HECW1: variants seen among roughly 807,000 people sequenced by gnomAD.
HECW1 encodes the protein E3 ubiquitin-protein ligase HECW1.
Under a neutral mutation model 182.3 loss-of-function variants are expected in HECW1, and 61 were observed. That is an observed-to-expected ratio of 0.33 (90% confidence interval 0.27 to 0.41). The LOEUF is 0.41. Ranked by LOEUF, HECW1 falls within the 10% of genes least tolerant of loss-of-function variation. The probability of loss-of-function intolerance (pLI) is 1.00; values close to 1 mark genes in which losing one functional copy is unlikely to be tolerated. For synonymous variants in HECW1, 859 were observed against 832.6 expected (o/e 1.03, Z -0.55); for missense variants, 1,739 against 2,108.9 (o/e 0.82, Z 3.44).
At chr7:43,531,918 G>T (rs907027807) in intron 24 of HECW1, among the ~76,000 whole-genome samples, 5 of 152,088 alleles carry the variant, frequency 3.3e-5, no homozygotes, top group Non-Finnish European at 7.4e-5. Context: ...CCATGATCTT[G>T]TCCAGATGCC....
intron 3 of HECW1, among the ~76,000 whole-genome samples, chr7:43,276,416 C>A (rs931244679): frequency 6.6e-6 from 1 of 150,958 alleles, no homozygotes; most frequent in African/African-American, 2.5e-5. Context: ...CTCACACAGT[C>A]GTTTGTAGAA....
In HECW1 at chr7:43,550,014, G is replaced by T. The variant is rs571353045; in HGVS notation, c.4249-431G>T. ...TGCTTAGCAATCTGCTTAGAGGTCGGGTGCAGTGGCTCCCAATACTTTGGA... is the reference window on the plus strand; with the variant it reads ...TGCTTAGCAATCTGCTTAGAGGTCGTGTGCAGTGGCTCCCAATACTTTGGA... On this transcript the variant is annotated intron_variant, in intron 26 of 29. Transcript: ENST00000395891. Among the ~76,000 whole-genome samples, 6 of 152,012 alleles carry T rather than the reference G, an allele frequency of 3.9e-5. No individual in the cohort carries two copies. In the South Asian group the frequency reaches 8.3e-4, roughly 21 times the overall value.
intron 3 of HECW1, among the ~76,000 whole-genome samples, chr7:43,308,117 A>G (rs1807907367): frequency 9.4e-6 from 1 of 106,040 alleles, no homozygotes; most frequent in South Asian, 2.6e-4. Context: ...AATATAACAT[A>G]TAATATATTT....
At chr7:43,469,737 T>A (rs1356155087) in intron 16 of HECW1, among the ~76,000 whole-genome samples, 1 of 152,220 alleles carries the variant, frequency 6.6e-6, no homozygotes, top group Non-Finnish European at 1.5e-5. Context: ...ATCAGCCATC[T>A]CGATGTATTC....
chr7:43,549,096 G>A (rs937714054), intron 26 of HECW1, among the ~76,000 whole-genome samples: 7 of 152,176 alleles, frequency 4.6e-5, no homozygotes, highest in African/African-American at 1.7e-4. Flanking sequence ...CAGTGCAGCC[G>A]GACAAAGGAA....
chr7:43,168,175 C>A (rs1317840631), intron 2 of HECW1, among the ~76,000 whole-genome samples: 4 of 152,198 alleles, frequency 2.6e-5, no homozygotes, highest in Non-Finnish European at 5.9e-5. Context: ...CAATATCTTG[C>A]ACCTGCATTG....
chr7:43,361,743 G>A (rs1815934393), intron 6 of HECW1, among the ~76,000 whole-genome samples: 1 of 149,112 alleles, frequency 6.7e-6, no homozygotes, highest in Non-Finnish European at 1.5e-5. Flanking sequence ...AATTTTAAAT[G>A]ACCAACTGGG....
At chr7:43,152,416 G>A (rs933756582) in intron 2 of HECW1, among the ~76,000 whole-genome samples, 2 of 152,124 alleles carry the variant, frequency 1.3e-5, no homozygotes, top group African/African-American at 4.8e-5. Flanking sequence ...TAATAAAATC[G>A]TAACAATCCA....
chr7:43,196,974 G>A (rs1475574897), intron 2 of HECW1, among the ~76,000 whole-genome samples: 2 of 151,882 alleles, frequency 1.3e-5, no homozygotes, highest in Admixed American at 6.6e-5. Flanking sequence ...TAAAAGCACC[G>A]ATTGTTGTAG....
intron 3 of HECW1, chr7:43,258,490 G>C (rs780656467): frequency 6.6e-6 from 1 of 152,148 alleles, no homozygotes; most frequent in South Asian, 2.1e-4. Context: ...ACTGAGAGGC[G>C]TATGGATACC....
intron 2 of HECW1, among the ~76,000 whole-genome samples, chr7:43,172,969 G>C (rs1183136150): frequency 1.3e-5 from 2 of 152,192 alleles, no homozygotes; most frequent in Non-Finnish European, 2.9e-5. Flanking sequence ...AGCACCCACT[G>C]TCTGTGATTC....
intron 18 of HECW1, among the ~76,000 whole-genome samples, chr7:43,492,437 T>C (rs1393448869): frequency 6.6e-6 from 1 of 152,208 alleles, no homozygotes. Flanking sequence ...TCTCAGGTCC[T>C]TTCTTCCTTA....
At chr7:43,320,881 T>TA in intron 5 of HECW1, 139 bp downstream of exon 5, 1 of 686,504 alleles carries the variant, frequency 1.5e-6, no homozygotes, top group African/African-American at 1.8e-5. Context: ...AAGAGATCCT[T>TA]AAAAAGATGT....
At chr7:43,265,842 G>T (rs1801724240) in intron 3 of HECW1, among the ~76,000 whole-genome samples, 1 of 152,122 alleles carries the variant, frequency 6.6e-6, no homozygotes, top group African/African-American at 2.4e-5. Context: ...CCCCCCTCAG[G>T]TTCAATGATC....
intron 6 of HECW1, among the ~76,000 whole-genome samples, chr7:43,396,404 A>G (rs1237703947): frequency 1.3e-5 from 2 of 152,260 alleles, no homozygotes; most frequent in African/African-American, 2.4e-5. Flanking sequence ...CAGCAGTTCA[A>G]CACTCTACTT....
Position 43,243,917 on chromosome 7 carries a change from C to A in HECW1, c.12C>A (p.His4Gln), listed in dbSNP as rs766927506. ...CGTGGTGGGTCATTATGCTGCTGCACCTGTGTAGTGTGAAGGTCAGTGTGC... is the reference window on the plus strand; with the variant it reads ...CGTGGTGGGTCATTATGCTGCTGCAACTGTGTAGTGTGAAGGTCAGTGTGC... MLL[H>Q]LCSVKNLYQN... Residue 4 changes from histidine to glutamine, a missense_variant, in exon 3 of 30, where the codon CAC becomes CAA. By Grantham distance (24) the His-to-Gln change is conservative. Around this residue, in one of 5 missense-constraint regions of HECW1, gnomAD observed 279 missense variants for 353.1 expected, o/e 0.79. Transcript: ENST00000395891. This position sits in a 1 kb window ranked among gnomAD's most constrained non-coding sequence, Gnocchi z 4.0. 2.4e-5 allele frequency: 38 copies of A among 1,612,722 alleles called. No homozygotes were observed. The highest frequency in any genetic ancestry group is 3.0e-5 in the Non-Finnish European group (35 of 1,178,886).
chr7:43,359,791 A>G (rs1815638851), intron 5 of HECW1, among the ~76,000 whole-genome samples: 2 of 152,224 alleles, frequency 1.3e-5, no homozygotes, highest in Admixed American at 6.5e-5. Context: ...AAAATATCTC[A>G]AATTGGAGAT....
intron 3 of HECW1, chr7:43,245,347 T>G (rs1033423042): frequency 7.9e-5 from 12 of 152,252 alleles, no homozygotes; most frequent in African/African-American, 2.9e-4. Context: ...TCAGTCTGTT[T>G]GCATTCCCCT....
chr7:43,140,934 T>C (rs1170600289), intron 2 of HECW1, among the ~76,000 whole-genome samples: 2 of 151,958 alleles, frequency 1.3e-5, no homozygotes, highest in Non-Finnish European at 2.9e-5. Flanking sequence ...CTCCCAGGGG[T>C]CCCTTCTTCC....
Sources: allele counts gnomAD v4.1 joint callset (sites outside exome capture counted in the v4.1 genomes callset), GRCh38; gene constraint gnomAD v4.1.1; regional missense constraint gnomAD v4.1.1; non-coding constraint Gnocchi (gnomAD v3.1); transcripts MANE v1.5; gene names NCBI Gene and HGNC (gene_info 2026-07-23, HGNC 2026-07-21).